Variants in RGS7 observed in about 807,000 individuals in gnomAD.
RGS7 encodes the protein regulator of G protein signaling 7.
Under a neutral mutation model 81.1 loss-of-function variants are expected in RGS7, and 27 were observed. The observed-to-expected ratio is 0.33, with a 90% CI of 0.25 to 0.46. The LOEUF (loss-of-function observed/expected upper bound fraction) is 0.46, where lower values mean the gene tolerates loss of function less well. RGS7 is among the 20% of genes least tolerant of loss of function. RGS7 has a pLI of 1.00. For missense variants in RGS7, 396 were observed against 607.4 expected, an observed-to-expected ratio of 0.65 and a Z score of 3.66; for synonymous variants, 208 against 207.7, an observed-to-expected ratio of 1.00 and a Z score of -0.01.
intron 2 of RGS7, among the ~76,000 whole-genome samples, chr1:241,138,274 G>GGTAA (rs2067673331): frequency 6.6e-6 from 1 of 151,966 alleles, no homozygotes; most frequent in African/African-American, 2.4e-5. Context: ...TTATAACACA[G>GGTAA]GTAAGTGATA....
intron 2 of RGS7, among the ~76,000 whole-genome samples, chr1:241,198,660 A>G (rs1311991138): frequency 6.6e-6 from 1 of 152,198 alleles, no homozygotes; most frequent in African/African-American, 2.4e-5. Flanking sequence ...GAATATTTCT[A>G]TATTTGTGAA....
At chr1:241,351,862 G>C (rs145091569) in intron 2 of RGS7, among the ~76,000 whole-genome samples, 1 of 152,264 alleles carries the variant, frequency 6.6e-6, no homozygotes, top group East Asian at 1.9e-4. Flanking sequence ...CTGACAGCTT[G>C]AGCATAAATG....
rs1333768786 is a variant in RGS7 at position 240,775,562 on chromosome 1, C to G, written c.*658G>C. On this transcript the variant is annotated 3_prime_UTR_variant, in exon 19 of 19. Transcript: ENST00000440928. ...AAGATAAAACAACAATATAAACATA[C>G]ACAAATTTACAGAGAAGGGATCAAC... 4.6e-5 allele frequency: 7 copies of G among 152,942 alleles called. No individual in the cohort carries two copies. Among genetic ancestry groups the G allele is most frequent in the African/African-American group, 1.7e-4 (7 of 41,562 alleles). The allele number at this position is 152,942 out of a possible 1,614,324, so 9.5% of individuals were successfully genotyped here. A position where few individuals can be genotyped will look rare whatever the true frequency, so the allele number is the denominator to read the frequency against.
intron 18 of RGS7, among the ~76,000 whole-genome samples, chr1:240,789,787 C>G (rs1685675367): frequency 6.6e-6 from 1 of 152,190 alleles, no homozygotes; most frequent in African/African-American, 2.4e-5. Context: ...TCACCCCGGT[C>G]CTGTGGTCCT....
At chr1:240,964,520 T>C (rs1033786048) in intron 4 of RGS7, among the ~76,000 whole-genome samples, 1 of 152,148 alleles carries the variant, frequency 6.6e-6, no homozygotes, top group Non-Finnish European at 1.5e-5. Context: ...GTTGAGAGCA[T>C]TTGTGAGTTG....
intron 9 of RGS7, among the ~76,000 whole-genome samples, chr1:240,851,901 G>A (rs1660175184): frequency 1.3e-5 from 2 of 152,190 alleles, no homozygotes; most frequent in Non-Finnish European, 2.9e-5. Context: ...GCTTCTTATG[G>A]AGCAAATAAA....
intron 2 of RGS7, among the ~76,000 whole-genome samples, chr1:241,353,164 C>A (rs561442849): frequency 6.6e-6 from 1 of 152,332 alleles, no homozygotes; most frequent in African/African-American, 2.4e-5. Context: ...GATTGACTTC[C>A]TAATTAATAA....
intron 2 of RGS7, among the ~76,000 whole-genome samples, chr1:241,299,414 T>TA (rs979363395): frequency 2.6e-5 from 4 of 151,996 alleles, no homozygotes; most frequent in African/African-American, 7.3e-5. Flanking sequence ...AACTTAGAAG[T>TA]AAAAAAATGT....
intron 2 of RGS7, among the ~76,000 whole-genome samples, chr1:241,261,695 T>C (rs2077344218): frequency 6.6e-6 from 1 of 151,130 alleles, no homozygotes; most frequent in South Asian, 2.1e-4. Flanking sequence ...CCAGCCCTAC[T>C]ATCATATTCT....
intron 2 of RGS7, among the ~76,000 whole-genome samples, chr1:241,182,825 T>TTTTGTTTG (rs71172686): frequency 0.2 from 29,723 of 149,858 alleles, 3,295 homozygotes; most frequent in Admixed American, 0.27. Context: ...ATTTTTCGGT[T>TTTTGTTTG]TTTGTTTGTT....
chr1:241,072,727 T>G (rs952985384), intron 3 of RGS7, among the ~76,000 whole-genome samples: 7 of 152,074 alleles, frequency 4.6e-5, no homozygotes, highest in Admixed American at 1.3e-4. Context: ...TGCACCTGTC[T>G]TTTCTCGAGG....
intron 10 of RGS7, among the ~76,000 whole-genome samples, chr1:240,818,872 G>T (rs1691288091): frequency 6.6e-6 from 1 of 152,110 alleles, no homozygotes; most frequent in Non-Finnish European, 1.5e-5. Flanking sequence ...GGACAGCAAG[G>T]TGACTATTGT....
At chr1:241,025,820 C>T (rs968512036) in intron 3 of RGS7, among the ~76,000 whole-genome samples, 1 of 152,058 alleles carries the variant, frequency 6.6e-6, no homozygotes, top group African/African-American at 2.4e-5. Context: ...AATTATCTAA[C>T]AGATAATTCA....
At chr1:240,896,658 C>T (rs80030637) in intron 6 of RGS7, among the ~76,000 whole-genome samples, 19,441 of 152,168 alleles carry the variant, frequency 0.13, 1,358 homozygotes, top group Middle Eastern at 0.18. Context: ...TGTTTTGGTA[C>T]CAGTACCATG....
At chr1:241,249,982 A>G (rs2076750401) in intron 2 of RGS7, among the ~76,000 whole-genome samples, 1 of 152,218 alleles carries the variant, frequency 6.6e-6, no homozygotes, top group Non-Finnish European at 1.5e-5. Flanking sequence ...TATTACATTA[A>G]GAAATATGTA....
intron 4 of RGS7, among the ~76,000 whole-genome samples, chr1:240,960,972 TTTAA>T (rs1572008717): frequency 6.6e-6 from 1 of 152,168 alleles, no homozygotes. Context: ...CAGAATCTGT[TTTAA>T]TTAAGTAAAA....
chr1:241,207,054 C>T (rs1363109981), intron 2 of RGS7, among the ~76,000 whole-genome samples: 7 of 148,432 alleles, frequency 4.7e-5, no homozygotes, highest in Non-Finnish European at 8.9e-5. Context: ...CTGCAAGCTC[C>T]GCCTCCCGGG....
At chr1:241,155,725 GA>G (rs891009179) in intron 2 of RGS7, among the ~76,000 whole-genome samples, 23 of 148,266 alleles carry the variant, frequency 1.6e-4, no homozygotes, top group East Asian at 1.2e-3. Flanking sequence ...GTAGACTTTA[GA>G]AAAAAAAAAT....
chr1:241,208,014 T>G (rs541676796), intron 2 of RGS7, among the ~76,000 whole-genome samples: 15 of 152,216 alleles, frequency 9.9e-5, no homozygotes, highest in Non-Finnish European at 2.1e-4. Flanking sequence ...CAAGCGATTC[T>G]CCTTCCTCAG....
Sources: allele counts gnomAD v4.1 joint callset (sites outside exome capture counted in the v4.1 genomes callset), GRCh38; gene constraint gnomAD v4.1.1; transcripts MANE v1.5; gene names NCBI Gene and HGNC (gene_info 2026-07-23, HGNC 2026-07-21).